Variants in GPHN observed in about 807,000 individuals in gnomAD.
GPHN encodes gephyrin.
GPHN carries 17 observed loss-of-function variants against 95.5 expected under a neutral mutation model. That is an observed-to-expected ratio of 0.18 (90% CI 0.12 to 0.27). The LOEUF (loss-of-function observed/expected upper bound fraction) is 0.27, where lower values mean the gene tolerates loss of function less well. Among genes scored for constraint, GPHN ranks in the 10% least tolerant of loss-of-function variants. The pLI is 1.00. For missense variants in GPHN, 660 were observed against 978.1 expected, an observed-to-expected ratio of 0.67 and a Z score of 4.34; for synonymous variants, 320 against 322.5, an observed-to-expected ratio of 0.99 and a Z score of 0.08.
At chr14:66,532,902 A>G (rs1229788409) in intron 1 of GPHN, among the ~76,000 whole-genome samples, 1 of 152,124 alleles carries the variant, frequency 6.6e-6, no homozygotes, top group Admixed American at 6.5e-5. Context: ...TTATTTTTGC[A>G]GTGTTTCTAA....
intron 5 of GPHN, 142 bp from the exon 6 acceptor site, chr14:66,915,861 G>A (rs1277969223): frequency 1.4e-6 from 1 of 696,432 alleles, no homozygotes; most frequent in African/African-American, 1.8e-5. Context: ...TGTATAGCAA[G>A]CAGTGAATGT....
chr14:66,964,136 AAAT>A (rs1488132680), intron 8 of GPHN, among the ~76,000 whole-genome samples: 34 of 152,294 alleles, frequency 2.2e-4, no homozygotes, highest in African/African-American at 7.9e-4. Context: ...ATAATGTTAA[AAAT>A]AATCTACAGT....
chr14:67,216,144 G>A, the GPHN span, among the ~76,000 whole-genome samples: 1 of 152,046 alleles, frequency 6.6e-6, no homozygotes, highest in Admixed American at 6.6e-5. Flanking sequence ...TACAGTCAAT[G>A]AACACATATT....
At chr14:67,464,392 C>G in the GPHN span, among the ~76,000 whole-genome samples, 1 of 151,978 alleles carries the variant, frequency 6.6e-6, no homozygotes, top group Admixed American at 6.6e-5. Context: ...TAAAAGCACT[C>G]CATCACCCTC....
chr14:66,743,647 C>T (rs942202481), intron 2 of GPHN, among the ~76,000 whole-genome samples: 3 of 152,022 alleles, frequency 2.0e-5, no homozygotes, highest in Non-Finnish European at 2.9e-5. Context: ...GAGGCTGAGG[C>T]GGGAGAATGG....
chr14:67,276,358 A>C, the GPHN span, among the ~76,000 whole-genome samples: 1 of 152,078 alleles, frequency 6.6e-6, no homozygotes, highest in Non-Finnish European at 1.5e-5. Context: ...CCTATTGGTC[A>C]TGTGAGCCTG....
chr14:67,571,948 C>T, the GPHN span: 1 of 1,560,968 alleles, frequency 6.4e-7, no homozygotes, highest in Non-Finnish European at 8.7e-7. Flanking sequence ...CAAGGAGCCC[C>T]TCACCTCTTC....
At chr14:67,302,136 T>TG in the GPHN span, 1 of 1,581,372 alleles carries the variant, frequency 6.3e-7, no homozygotes, top group Non-Finnish European at 8.6e-7. Flanking sequence ...TCCCACATAC[T>TG]GTTTTTAAAC....
intron 2 of GPHN, among the ~76,000 whole-genome samples, chr14:66,714,239 T>C (rs1277372989): frequency 2.0e-5 from 3 of 152,218 alleles, no homozygotes; most frequent in Non-Finnish European, 4.4e-5. Flanking sequence ...AAGTATTTTA[T>C]TTTATTTTTT....
chr14:67,674,620 C>T, the GPHN span: 5 of 647,020 alleles, frequency 7.7e-6, no homozygotes, highest in African/African-American at 3.9e-5. Flanking sequence ...GGACGAGGCT[C>T]TTCCGGAGCC....
At chr14:67,152,821 T>C (rs560308270) in intron 18 of GPHN, among the ~76,000 whole-genome samples, 2 of 151,822 alleles carry the variant, frequency 1.3e-5, no homozygotes, top group African/African-American at 4.8e-5. Context: ...AAAAATTGGC[T>C]GGGTGTGGTG....
chr14:67,400,381 A>G, the GPHN span, among the ~76,000 whole-genome samples: 1 of 152,202 alleles, frequency 6.6e-6, no homozygotes, highest in African/African-American at 2.4e-5. Context: ...TAGTATGGGC[A>G]TTGAGAGTTT....
Position 67,144,249 on chromosome 14 carries a change from AAATATATATATATATATAT to A in GPHN, c.1836+802_1836+820del, listed in dbSNP as rs1322908104. The stretch of plus-strand genomic sequence containing the variant: ...AAGACCCTGTCTTAAAAAAAAAAAA[AAATATATATATATATATAT>A]ATATATATATATATATATACACACA... On this transcript the variant is annotated intron_variant, in intron 18 of 22. Transcript: ENST00000478722. Among the ~76,000 whole-genome samples the A allele has an allele frequency of 2.3e-4, 16 of 68,934 alleles. 1 individual carries two copies. The South Asian group carries it at 6.6e-3, about 28-fold the overall frequency. 45.2% of individuals were successfully genotyped at this position (68,934 alleles called of 152,430 possible). A position where few individuals can be genotyped will look rare whatever the true frequency, so the allele number is the denominator to read the frequency against.
intron 5 of GPHN, among the ~76,000 whole-genome samples, chr14:66,909,063 A>G (rs774490479): frequency 2.0e-5 from 3 of 152,132 alleles, no homozygotes; most frequent in Admixed American, 6.6e-5. Context: ...ATAATGTGTC[A>G]ATATTGGCTC....
chr14:67,574,477 G>A, the GPHN span: 2 of 1,252,866 alleles, frequency 1.6e-6, no homozygotes. The surrounding 1 kb of genome is among the most constrained non-coding windows in gnomAD (Gnocchi z 4.2). Flanking sequence ...GGGTGCCGAG[G>A]GTGGTGGGTT....
At chr14:67,715,354 T>C in the GPHN span, 1 of 152,254 alleles carries the variant, frequency 6.6e-6, no homozygotes. Context: ...CTCTATATTA[T>C]TTGGTTTACT....
At chr14:67,208,412 G>A in the GPHN span, 5 of 1,613,938 alleles carry the variant, frequency 3.1e-6, no homozygotes, top group South Asian at 4.4e-5. Flanking sequence ...AAAGATGCCT[G>A]ATTTTCAGAG....
the GPHN span, among the ~76,000 whole-genome samples, chr14:67,658,728 G>A: frequency 3.9e-5 from 6 of 152,220 alleles, no homozygotes; most frequent in Non-Finnish European, 8.8e-5. Flanking sequence ...CTGCCTGCCT[G>A]TTTCCAGTCT....
intron 1 of GPHN, among the ~76,000 whole-genome samples, chr14:66,523,261 T>C (rs2058553404): frequency 6.6e-6 from 1 of 152,066 alleles, no homozygotes; most frequent in African/African-American, 2.4e-5. Flanking sequence ...GAGGTTCAAA[T>C]TGCTAAATAT....
Sources: allele counts gnomAD v4.1 joint callset (sites outside exome capture counted in the v4.1 genomes callset), GRCh38; gene constraint gnomAD v4.1.1; non-coding constraint Gnocchi (gnomAD v3.1); transcripts MANE v1.5; gene names NCBI Gene and HGNC (gene_info 2026-07-23, HGNC 2026-07-21).